Variants in NUP210 observed in about 807,000 individuals in gnomAD.
The protein encoded by NUP210 is nucleoporin 210.
In NUP210, 151 loss-of-function variants were observed where a neutral mutation model predicts 196.0. The observed-to-expected ratio is 0.77, with a 90% CI of 0.67 to 0.88. The LOEUF (loss-of-function observed/expected upper bound fraction) is 0.88. Ranked by LOEUF, NUP210 falls within the 40% of genes least tolerant of loss-of-function variation. The probability of loss-of-function intolerance (pLI) is 0.00; values close to 1 mark genes in which losing one functional copy is unlikely to be tolerated. For synonymous variants in NUP210, 1,070 were observed against 1,052.7 expected (o/e 1.02, Z -0.32); for missense variants, 2,314 against 2,493.7 (o/e 0.93, Z 1.53).
intron 27 of NUP210, among the ~76,000 whole-genome samples, chr3:13,335,851 A>AG (rs1697196123): frequency 6.6e-6 from 1 of 152,238 alleles, no homozygotes; most frequent in Non-Finnish European, 1.5e-5. Flanking sequence ...CAACATGCAC[A>AG]GATGCATTTG....
chr3:13,392,567 G>A (rs937957098), intron 3 of NUP210, among the ~76,000 whole-genome samples: 8 of 152,214 alleles, frequency 5.3e-5, no homozygotes, highest in African/African-American at 9.6e-5. Context: ...GAAGCACATC[G>A]GCTGCAAGAC....
chr3:13,377,379 G>A (rs1221734536), intron 9 of NUP210, 77 bp downstream of exon 9: 27 of 1,025,382 alleles, frequency 2.6e-5, no homozygotes, highest in Non-Finnish European at 3.9e-5. Context: ...CTGTTGCTTT[G>A]GGGGCTGCTC....
At position 13,340,200 on chromosome 3, in the gene NUP210, T is replaced by C. The variant is rs774235401; in HGVS notation, c.3291+36A>G. 1 of 1,612,148 alleles carries C rather than the reference T, an allele frequency of 6.2e-7. No individual in the cohort carries two copies. The highest frequency in any genetic ancestry group is 8.5e-7 in the Non-Finnish European group (1 of 1,178,946). ...CCTGGAACCAGGTGGTGGCCTGCAC[T>C]GGGGCTGGAGCAGGACGTGGCCTCT... is the stretch of plus-strand genomic sequence containing the variant. On this transcript the variant is annotated intron_variant, in intron 24 of 39. Coordinates refer to ENST00000254508, the MANE Select transcript of NUP210 (RefSeq NM_024923.4). The surrounding 1 kb of genome is among the most constrained non-coding windows in gnomAD (Gnocchi z 4.0).
At chr3:13,328,725 A>G (rs1345327980) in intron 31 of NUP210, 46 bp downstream of exon 31, 1 of 1,550,428 alleles carries the variant, frequency 6.4e-7, no homozygotes, top group African/African-American at 1.4e-5. Flanking sequence ...TCTACCAGGT[A>G]CCAGACAGGA....
In NUP210 at chr3:13,350,205, AAAAT is replaced by A. The variant is rs1697917520; in HGVS notation, c.2835+1670_2835+1673del. On this transcript the variant is annotated intron_variant, in intron 20 of 39. Coordinates refer to ENST00000254508, the MANE Select transcript of NUP210 (RefSeq NM_024923.4). This position sits in a 1 kb window ranked among gnomAD's most constrained non-coding sequence, Gnocchi z 4.1. ...GTGTGTGGGTGCGTGTGTGTTCAGC[AAAAT>A]AACACAGCCTGTGTGTGTGTGTGTT... 7.6e-6 allele frequency among the ~76,000 whole-genome samples: 1 copy of A among 131,204 alleles called. No homozygotes were observed. Among genetic ancestry groups the A allele is most frequent in the African/African-American group, 3.6e-5 (1 of 28,048 alleles). 86.1% of individuals were successfully genotyped at this position (131,204 alleles called of 152,430 possible).
At position 13,365,999 on chromosome 3, in the gene NUP210, C is replaced by A. The variant is rs778461341; in HGVS notation, c.1879G>T (p.Gly627Cys). ...ATCTTGGCACTCAGGTGGACGTGGCCGTGTCTGTAGCTCACAAGAAGCGTG... is the reference window on the plus strand; with the variant it reads ...ATCTTGGCACTCAGGTGGACGTGGCAGTGTCTGTAGCTCACAAGAAGCGTG... The part of the protein sequence containing the change: ...STTLLVSYRH[G>C]HVHLSAKITI... The change falls in exon 14 of 40, where the codon GGC becomes TGC. Residue 627 changes from glycine (G) to cysteine (C), a missense_variant. By Grantham distance (159) the Gly-to-Cys change is radical (BLOSUM62 -3). Coordinates refer to ENST00000254508, the MANE Select transcript of NUP210 (RefSeq NM_024923.4). 6 of 1,614,180 alleles carry A rather than the reference C, an allele frequency of 3.7e-6. No homozygotes were observed. The highest frequency in any genetic ancestry group is 1.1e-5 in the South Asian group (1 of 91,086).
intron 3 of NUP210, among the ~76,000 whole-genome samples, chr3:13,391,558 T>G (rs1328907216): frequency 6.6e-6 from 1 of 151,318 alleles, no homozygotes; most frequent in Non-Finnish European, 1.5e-5. Context: ...AAGCTTGTGC[T>G]CTTCCTGCTG....
At chr3:13,412,145 C>A (rs1211662721) in intron 1 of NUP210, among the ~76,000 whole-genome samples, 1 of 151,850 alleles carries the variant, frequency 6.6e-6, no homozygotes, top group Admixed American at 6.6e-5. Context: ...CCTTGACCTT[C>A]TGGGTTTAAG....
chr3:13,356,052 G>A (rs904077478), intron 16 of NUP210, among the ~76,000 whole-genome samples: 1 of 152,182 alleles, frequency 6.6e-6, no homozygotes, highest in Non-Finnish European at 1.5e-5. Flanking sequence ...GACTCAGTGT[G>A]GCCAATCTCT....
At chr3:13,343,041 G>A (rs917788567) in intron 21 of NUP210, 134 bp downstream of exon 21, 48 of 1,080,690 alleles carry the variant, frequency 4.4e-5, no homozygotes, top group African/African-American at 3.0e-4. Flanking sequence ...AGACAGCTCC[G>A]CAAGCTCACA....
At chr3:13,381,554 A>G (rs562723054) in intron 6 of NUP210, among the ~76,000 whole-genome samples, 35 of 151,662 alleles carry the variant, frequency 2.3e-4, no homozygotes, top group African/African-American at 8.5e-4. Context: ...GAGACTACCA[A>G]TGCACGCCAC....
chr3:13,333,198 G>A (rs1237893057), intron 28 of NUP210, among the ~76,000 whole-genome samples: 3 of 152,168 alleles, frequency 2.0e-5, no homozygotes, highest in East Asian at 1.9e-4. Flanking sequence ...GTGGCTCCCC[G>A]AGCCCATGGC....
intron 3 of NUP210, among the ~76,000 whole-genome samples, chr3:13,395,009 G>A (rs1325175150): frequency 1.3e-5 from 2 of 152,198 alleles, no homozygotes; most frequent in Non-Finnish European, 2.9e-5. Flanking sequence ...CTGCAAAGGT[G>A]GGGCCTTGAC....
At chr3:13,415,943 C>T (rs1176487474) in intron 1 of NUP210, among the ~76,000 whole-genome samples, 3 of 152,124 alleles carry the variant, frequency 2.0e-5, no homozygotes, top group Non-Finnish European at 2.9e-5. Context: ...GGACCCAGGA[C>T]ATCCACACGC....
intron 14 of NUP210, among the ~76,000 whole-genome samples, chr3:13,364,382 T>C (rs967256453): frequency 1.3e-5 from 2 of 152,326 alleles, no homozygotes; most frequent in Middle Eastern, 3.4e-3. Flanking sequence ...GTGTCTGTTA[T>C]GTTTGCTCTG....
chr3:13,391,209 A>G lies in NUP210; in HGVS notation c.533+2T>C. On this transcript the variant is annotated splice_donor_variant, in intron 4 of 39. Coordinates refer to ENST00000254508, the MANE Select transcript of NUP210 (RefSeq NM_024923.4). LOFTEE classifies it high-confidence loss of function. ...GCCAGGCCTAGCAGAGGCACCCCTT[A>G]CCGCAGCGCATTGTGGGAGTCTGAG... 2 of 1,608,814 alleles carry G rather than the reference A, an allele frequency of 1.2e-6. No homozygotes were observed. Among genetic ancestry groups the G allele is most frequent in the Non-Finnish European group, 1.7e-6 (2 of 1,176,700 alleles).
At chr3:13,402,090 A>G (rs1699857062) in intron 1 of NUP210, among the ~76,000 whole-genome samples, 1 of 152,038 alleles carries the variant, frequency 6.6e-6, no homozygotes, top group Non-Finnish European at 1.5e-5. Context: ...TCCCAGCTAC[A>G]TGGGAGGCTG....
At chr3:13,341,669 T>C in intron 23 of NUP210, 79 bp downstream of exon 23, 2 of 1,507,164 alleles carry the variant, frequency 1.3e-6, no homozygotes, top group Non-Finnish European at 9.1e-7. Context: ...TACAGTAGCT[T>C]CCTGGACTGT....
chr3:13,358,173 C>A (rs374573941), intron 16 of NUP210, 49 bp downstream of exon 16: 2 of 1,542,738 alleles, frequency 1.3e-6, no homozygotes, highest in East Asian at 4.6e-5. Flanking sequence ...TGTCCTCCTG[C>A]CCAAGCGGGT....
Sources: gnomAD v4.1 joint callset for allele counts (sites outside exome capture counted in the v4.1 genomes callset) on GRCh38, gnomAD v4.1.1 for gene constraint, Gnocchi (gnomAD v3.1) non-coding constraint, MANE v1.5 for transcripts, NCBI Gene and HGNC (gene_info 2026-07-23, HGNC 2026-07-21) for gene names.